GRM7: variants seen among roughly 807,000 people sequenced by gnomAD.
The protein encoded by GRM7 is metabotropic glutamate receptor 7.
Under a neutral mutation model 84.5 loss-of-function variants are expected in GRM7, and 35 were observed. That is an observed-to-expected ratio of 0.41 (90% confidence interval 0.32 to 0.55). The LOEUF is 0.55. Ranked by LOEUF, GRM7 falls within the 20% of genes least tolerant of loss-of-function variation. GRM7 has a pLI of 0.19. For synonymous variants in GRM7, 487 were observed against 455.1 expected, an observed-to-expected ratio of 1.07 and a Z score of -0.89; for missense variants, 1,003 against 1,194.6, an observed-to-expected ratio of 0.84 and a Z score of 2.36.
intron 2 of GRM7, among the ~76,000 whole-genome samples, chr3:7,219,443 T>C (rs557433027): frequency 6.6e-6 from 1 of 152,340 alleles, no homozygotes; most frequent in South Asian, 2.1e-4. Flanking sequence ...TAGCCTTGTA[T>C]ATGTATAAAT....
intron 1 of GRM7, among the ~76,000 whole-genome samples, chr3:6,981,239 A>T (rs897598617): frequency 6.6e-6 from 1 of 152,232 alleles, no homozygotes; most frequent in Non-Finnish European, 1.5e-5. Flanking sequence ...GCTCTTATAA[A>T]GAAAAAATAT....
intron 1 of GRM7, among the ~76,000 whole-genome samples, chr3:6,926,416 C>T (rs1045876586): frequency 6.6e-6 from 1 of 152,108 alleles, no homozygotes; most frequent in East Asian, 1.9e-4. Flanking sequence ...GCATTATTAC[C>T]TGACAATAAT....
At chr3:7,637,642 T>G (rs1698159533) in intron 8 of GRM7, among the ~76,000 whole-genome samples, 1 of 151,994 alleles carries the variant, frequency 6.6e-6, no homozygotes, top group South Asian at 2.1e-4. Flanking sequence ...TGACATGGAG[T>G]CATTTTACAC....
chr3:7,166,118 A>T (rs1025779122), intron 2 of GRM7, among the ~76,000 whole-genome samples: 1 of 152,226 alleles, frequency 6.6e-6, no homozygotes, highest in African/African-American at 2.4e-5. Context: ...ACAGAGAGAT[A>T]TGTATAATTT....
intron 8 of GRM7, among the ~76,000 whole-genome samples, chr3:7,646,319 G>C (rs766160696): frequency 3.9e-5 from 6 of 152,092 alleles, no homozygotes; most frequent in Non-Finnish European, 8.8e-5. Flanking sequence ...AGCCTCCTGA[G>C]TAGTTGGGAT....
In GRM7 at chr3:7,046,133, C is replaced by T. The variant is rs376435240; in HGVS notation, c.520-100319C>T. ...CCTGATAATCGATGATATTGAATAC[C>T]TTTTCGTATTCTATTGTCCATTGTT... On this transcript the variant is annotated intron_variant, in intron 1 of 9. Coordinates refer to ENST00000357716, the MANE Select transcript of GRM7 (RefSeq NM_000844.4). 7.2e-5 allele frequency among the ~76,000 whole-genome samples: 11 copies of T among 152,122 alleles called. No homozygotes were observed. In the East Asian group the frequency reaches 1.7e-3, roughly 24 times the overall value.
At chr3:7,687,813 G>A (rs1253369736) in intron 9 of GRM7, among the ~76,000 whole-genome samples, 1 of 152,078 alleles carries the variant, frequency 6.6e-6, no homozygotes, top group East Asian at 1.9e-4. Context: ...AACAGCATAA[G>A]AGTACTTCCA....
At chr3:6,924,800 G>T (rs1176012597) in intron 1 of GRM7, among the ~76,000 whole-genome samples, 1 of 152,158 alleles carries the variant, frequency 6.6e-6, no homozygotes, top group East Asian at 1.9e-4. Context: ...TCAGTAGAAG[G>T]GATGGAAGGG....
intron 5 of GRM7, among the ~76,000 whole-genome samples, chr3:7,434,029 T>C (rs778446821): frequency 5.9e-5 from 9 of 152,120 alleles, no homozygotes; most frequent in Non-Finnish European, 1.0e-4. Context: ...TTTCATTATA[T>C]AGATTGTGTA....
At chr3:7,154,354 G>A (rs1405170920) in intron 2 of GRM7, among the ~76,000 whole-genome samples, 2 of 152,104 alleles carry the variant, frequency 1.3e-5, no homozygotes, top group East Asian at 3.9e-4. Flanking sequence ...CCCAGGCTAT[G>A]GATTGTCATT....
At chr3:7,637,928 G>A (rs989110763) in intron 8 of GRM7, among the ~76,000 whole-genome samples, 3 of 152,186 alleles carry the variant, frequency 2.0e-5, no homozygotes, top group African/African-American at 4.8e-5. Flanking sequence ...GATCTCAGCA[G>A]ACTCAGTAAG....
At position 7,129,363 on chromosome 3, in the gene GRM7, G is replaced by A. The variant is rs116823799; in HGVS notation, c.520-17089G>A. Among the ~76,000 whole-genome samples the A allele has an allele frequency of 5.8e-3, 883 of 152,264 alleles. 10 individuals are homozygous for A. Among genetic ancestry groups the A allele is most frequent in the African/African-American group, 0.019 (806 of 41,544 alleles). ...AGCTGCACATGATCAACACTTATCC[G>A]TCCATGATTGTGGCAGATAATGTCC... On this transcript the variant is annotated intron_variant, in intron 1 of 9. Transcript: ENST00000357716.
chr3:7,210,621 T>G, intron 2 of GRM7, among the ~76,000 whole-genome samples: 1 of 152,088 alleles, frequency 6.6e-6, no homozygotes, highest in East Asian at 1.9e-4. Context: ...ATAAAAGAAA[T>G]GTTCAAGAAA....
intron 9 of GRM7, among the ~76,000 whole-genome samples, chr3:7,713,124 G>GTTTTTTTTT (rs5846535): frequency 6.2e-5 from 6 of 97,122 alleles, no homozygotes; most frequent in African/African-American, 1.1e-4. Context: ...ATTTTGTTTT[G>GTTTTTTTTT]TTTTTTTTTT....
At chr3:7,725,894 G>GA (rs35265074) in intron 9 of GRM7, among the ~76,000 whole-genome samples, 3,536 of 151,208 alleles carry the variant, frequency 0.023, 137 homozygotes, top group African/African-American at 0.08. Context: ...ATACTTTATT[G>GA]AAAAAAAAAT....
chr3:7,169,158 A>C (rs979028344), intron 2 of GRM7, among the ~76,000 whole-genome samples: 3 of 152,116 alleles, frequency 2.0e-5, no homozygotes, highest in Non-Finnish European at 2.9e-5. Flanking sequence ...TCCTAGACTG[A>C]AATCATCTTG....
rs114994477 is a variant in GRM7 at position 7,110,719 on chromosome 3, C to G, written c.520-35733C>G. 2.5e-3 allele frequency among the ~76,000 whole-genome samples: 377 copies of G among 152,048 alleles called. 1 individual carries two copies. The highest frequency in any genetic ancestry group is 8.4e-3 in the African/African-American group (350 of 41,478). Reference sequence around the variant, plus strand: ...ACTTTAATGGATTACCTACTAATTTCCAGATGCTAGGTTGAAAGGCTCATG... The same window carrying G: ...ACTTTAATGGATTACCTACTAATTTGCAGATGCTAGGTTGAAAGGCTCATG... On this transcript the variant is annotated intron_variant, in intron 1 of 9. Coordinates refer to ENST00000357716, the MANE Select transcript of GRM7 (RefSeq NM_000844.4).
At chr3:7,459,360 G>C (rs1698146373) in intron 6 of GRM7, among the ~76,000 whole-genome samples, 1 of 152,232 alleles carries the variant, frequency 6.6e-6, no homozygotes, top group East Asian at 1.9e-4. Context: ...GAGCAGAGAG[G>C]GAGGAAGGAG....
rs533611958 is a variant in GRM7 at position 7,485,454 on chromosome 3, C to G, written c.1515+23732C>G. 3.9e-5 allele frequency among the ~76,000 whole-genome samples: 6 copies of G among 152,346 alleles called. No homozygotes were observed. The East Asian group carries it at 9.6e-4, about 24-fold the overall frequency. Reference sequence around the variant, plus strand: ...AATAGGTTGAGGGACCTCATCAGTTCTAATACCACAAGTCCCTAAGTTTCT... The same window carrying G: ...AATAGGTTGAGGGACCTCATCAGTTGTAATACCACAAGTCCCTAAGTTTCT... On this transcript the variant is annotated intron_variant, in intron 7 of 9. Transcript: ENST00000357716.
Sources: allele counts gnomAD v4.1 joint callset (sites outside exome capture counted in the v4.1 genomes callset), GRCh38; gene constraint gnomAD v4.1.1; transcripts MANE v1.5; gene names NCBI Gene and HGNC (gene_info 2026-07-23, HGNC 2026-07-21).